ANKRD42: variants seen among roughly 807,000 people sequenced by gnomAD.
ANKRD42 encodes the protein ankyrin repeat domain-containing protein 42.
ANKRD42 carries 43 observed loss-of-function variants against 51.5 expected under a neutral mutation model. The ratio of observed to expected loss-of-function variants is 0.83; its 90% CI spans 0.65 to 1.08. The LOEUF (loss-of-function observed/expected upper bound fraction) is 1.08. Ranked by LOEUF, ANKRD42 falls within the 50% of genes least tolerant of loss-of-function variation. The pLI is 0.00. For missense variants in ANKRD42, 608 were observed against 629.3 expected, an observed-to-expected ratio of 0.97 and a Z score of 0.36; for synonymous variants, 203 against 213.0, an observed-to-expected ratio of 0.95 and a Z score of 0.41.
intron 7 of ANKRD42, among the ~76,000 whole-genome samples, chr11:83,228,487 C>T (rs749745646): frequency 5.9e-5 from 9 of 151,946 alleles, no homozygotes; most frequent in African/African-American, 1.5e-4. Flanking sequence ...GCCTTGGCCT[C>T]CTGAAGTGCA....
chr11:83,232,127 G>A lies in ANKRD42; in HGVS notation c.913+4255G>A, dbSNP rs529610925. Among the ~76,000 whole-genome samples the A allele has an allele frequency of 1.0e-3, 146 of 142,324 alleles. 3 individuals carry two copies. The East Asian group carries it at 0.014, about 13-fold the overall frequency. The allele number at this position is 142,324 out of a possible 152,430, so 93.4% of individuals were successfully genotyped here. A position where few individuals can be genotyped will look rare whatever the true frequency, so the allele number is the denominator to read the frequency against. ...TTTTTTTTTTTTTTTTTCTATTTCC[G>A]TGCAGAATGTCATTGGTATTTAGAT... On this transcript the variant is annotated intron_variant, in intron 7 of 10. Transcript: ENST00000533342.
intron 5 of ANKRD42, chr11:83,214,503 AGAG>A: frequency 2.0e-6 from 2 of 979,536 alleles, no homozygotes; most frequent in Non-Finnish European, 2.4e-6. Context: ...ATAACCAGGT[AGAG>A]TATTTATAAT....
intron 9 of ANKRD42, among the ~76,000 whole-genome samples, chr11:83,243,967 CTTTTTTTTT>C (rs66756456): frequency 4.6e-4 from 31 of 66,966 alleles, no homozygotes; most frequent in East Asian, 1.4e-3. Flanking sequence ...CCTGGCTGCC[CTTTTTTTTT>C]TTTTTTTTTT....
intron 4 of ANKRD42, 30 bp downstream of exon 4, chr11:83,210,449 G>A (rs200630868): frequency 2.0e-5 from 33 of 1,611,694 alleles, no homozygotes; most frequent in South Asian, 9.9e-5. Flanking sequence ...ATGTGCTAAT[G>A]TGTGATAATA....
chr11:83,253,105 A>C (rs1430071266), downstream of ANKRD42, among the ~76,000 whole-genome samples: 1 of 152,226 alleles, frequency 6.6e-6, no homozygotes, highest in Admixed American at 6.5e-5. Flanking sequence ...GGTCTGGAAC[A>C]AGGTTGAACT....
chr11:83,252,689 A>G (rs1050429836), downstream of ANKRD42, among the ~76,000 whole-genome samples: 1 of 152,156 alleles, frequency 6.6e-6, no homozygotes, highest in African/African-American at 2.4e-5. Flanking sequence ...GGCTTCTGGG[A>G]TACTGGTAAT....
intron 5 of ANKRD42, among the ~76,000 whole-genome samples, chr11:83,216,196 C>A (rs993174199): frequency 6.6e-6 from 1 of 152,178 alleles, no homozygotes; most frequent in African/African-American, 2.4e-5. Flanking sequence ...TTATCACACA[C>A]CACAGTTACA....
intron 5 of ANKRD42, among the ~76,000 whole-genome samples, chr11:83,216,482 G>A (rs988086917): frequency 3.3e-5 from 5 of 151,936 alleles, no homozygotes; most frequent in African/African-American, 4.8e-5. Flanking sequence ...CCGCCACCTC[G>A]CCCGGCTAAT....
At position 83,210,364 on chromosome 11, in the gene ANKRD42, T is replaced by G. The variant is rs148803266; in HGVS notation, c.395T>G (p.Leu132Arg). 5.7e-4 allele frequency: 926 copies of G among 1,614,054 alleles called. 1 individual carries two copies. Among genetic ancestry groups the G allele is most frequent in the Non-Finnish European group, 7.4e-4 (875 of 1,179,930 alleles). Residue 132 changes from leucine to arginine, a missense_variant, in exon 4 of 11, where the codon CTT becomes CGT. By Grantham distance (102) the Leu-to-Arg change is moderately radical. Transcript: ENST00000533342. Reference sequence around the variant, plus strand: ...GACCGGGGATGCACTCCTTTACATCTTGCTGCAACTCATGGACATTCTTTC... The same window carrying G: ...GACCGGGGATGCACTCCTTTACATCGTGCTGCAACTCATGGACATTCTTTC... Reference protein sequence around the residue: ...QDDRGCTPLHLAATHGHSFTL... With the variant: ...QDDRGCTPLHRAATHGHSFTL...
At position 83,194,491 on chromosome 11, in the gene ANKRD42, G is replaced by T; in HGVS notation, c.-180G>T. ...TGGCTTTTGGGAGAGAGAAAGTGAA[G>T]ACGAAGGTTTCCGCTGCAGCTTCTG... is the stretch of plus-strand genomic sequence containing the variant. On this transcript the variant is annotated 5_prime_UTR_variant, in exon 1 of 11. Coordinates refer to ENST00000533342, the MANE Select transcript of ANKRD42 (RefSeq NM_001300975.2). 1 of 716,528 alleles carries T rather than the reference G, an allele frequency of 1.4e-6. No homozygotes were observed. Among genetic ancestry groups the T allele is most frequent in the Non-Finnish European group, 2.5e-6 (1 of 397,096 alleles). 44.4% of individuals were successfully genotyped at this position (716,528 alleles called of 1,614,324 possible). A position where few individuals can be genotyped will look rare whatever the true frequency, so the allele number is the denominator to read the frequency against.
chr11:83,245,454 C>T, intron 9 of ANKRD42, 44 bp from the exon 10 acceptor site: 1 of 1,525,296 alleles, frequency 6.6e-7, no homozygotes. Flanking sequence ...GACACATGAG[C>T]TGTTATATGT....
Position 83,193,827 on chromosome 11 carries a change from G to T in ANKRD42, c.-844G>T, listed in dbSNP as rs778718303. On this transcript the variant is annotated 5_prime_UTR_variant, in exon 1 of 11. Coordinates refer to ENST00000533342, the MANE Select transcript of ANKRD42 (RefSeq NM_001300975.2). ...AAGGCGGCCGCCGCTACGGCGATTC[G>T]CAGGGAGTAGCAGACGAAGACGGTG... 2.2e-5 allele frequency: 10 copies of T among 455,204 alleles called. 1 individual carries two copies. The highest frequency in any genetic ancestry group is 1.4e-4 in the South Asian group (9 of 64,498). 28.2% of individuals were successfully genotyped at this position (455,204 alleles called of 1,614,324 possible).
chr11:83,256,013 C>T, exon 12 of ANKRD42: 1 of 1,023,860 alleles, frequency 9.8e-7, no homozygotes, highest in Non-Finnish European at 1.4e-6. Flanking sequence ...TCTATACAAA[C>T]TATCTCAGAA....
chr11:83,211,109 C>G (rs1862297506), intron 4 of ANKRD42, among the ~76,000 whole-genome samples, 186 bp from the exon 5 acceptor site: 1 of 152,052 alleles, frequency 6.6e-6, no homozygotes, highest in Non-Finnish European at 1.5e-5. Flanking sequence ...TTTTGAAAAG[C>G]CTGTTTTATA....
chr11:83,232,917 G>A (rs567250786), intron 7 of ANKRD42, among the ~76,000 whole-genome samples: 2 of 152,056 alleles, frequency 1.3e-5, no homozygotes, highest in African/African-American at 2.4e-5. Flanking sequence ...TCGGTGTATC[G>A]CAGAGGTAAA....
At chr11:83,262,642 A>T (rs1232418506), downstream of ANKRD42, among the ~76,000 whole-genome samples, 1 of 152,206 alleles carries the variant, frequency 6.6e-6, no homozygotes, top group African/African-American at 2.4e-5. Flanking sequence ...AAAAACAGAC[A>T]AGTGAGAGAT....
chr11:83,228,233 T>A (rs7934035), intron 7 of ANKRD42, among the ~76,000 whole-genome samples: 1 of 30,748 alleles, frequency 3.3e-5, no homozygotes, highest in African/African-American at 1.8e-4. Flanking sequence ...CTCTCTCTCT[T>A]TTTTTTTTTT....
At chr11:83,221,208 T>C (rs1038635222) in intron 5 of ANKRD42, among the ~76,000 whole-genome samples, 2 of 152,222 alleles carry the variant, frequency 1.3e-5, no homozygotes, top group Admixed American at 1.3e-4. Flanking sequence ...CAAATATGTT[T>C]CTCAATTTTA....
chr11:83,211,286 TA>T lies in ANKRD42; in HGVS notation c.451-8del. On this transcript the variant is annotated splice_polypyrimidine_tract_variant and splice_region_variant and intron_variant, in intron 4 of 10. Transcript: ENST00000533342. ...GGAGAAACTAAGTCCTTGTGAATGT[TA>T]CCTCTAGGATCCCAGTGTGACTGAT... 1.2e-6 allele frequency: 2 copies of T among 1,614,106 alleles called. No individual in the cohort carries two copies. The highest frequency in any genetic ancestry group is 1.7e-6 in the Non-Finnish European group (2 of 1,179,982).
Sources: gnomAD v4.1 joint callset for allele counts (sites outside exome capture counted in the v4.1 genomes callset) on GRCh38, gnomAD v4.1.1 for gene constraint, MANE v1.5 for transcripts, NCBI Gene and HGNC (gene_info 2026-07-23, HGNC 2026-07-21) for gene names.